APC: variants seen among roughly 807,000 people sequenced by gnomAD.
APC encodes adenomatous polyposis coli protein.
Under a neutral mutation model 247.0 loss-of-function variants are expected in APC, and 72 were observed. That is an observed-to-expected ratio of 0.29 (90% CI 0.24 to 0.35). APC has a LOEUF of 0.35. Among genes scored for constraint, APC ranks in the 10% least tolerant of loss-of-function variants. The pLI is 1.00. For synonymous variants in APC, 1,254 were observed against 1,162.5 expected (o/e 1.08, Z -1.60); for missense variants, 3,400 against 3,360.7 (o/e 1.01, Z -0.29).
rs2149863810 is a variant in APC, at chr5:112,837,821, A to G, written c.2227A>G (p.Met743Val). The G allele has an allele frequency of 6.2e-7, 1 of 1,614,022 alleles. No individual in the cohort carries two copies. Among genetic ancestry groups the G allele is most frequent in the African/African-American group, 1.3e-5 (1 of 75,052 alleles). ...TGCGAAGTACAAGGATGCCAATATTATGTCTCCTGGCTCAAGCTTGCCATC... is the reference window on the plus strand; with the variant it reads ...TGCGAAGTACAAGGATGCCAATATTGTGTCTCCTGGCTCAAGCTTGCCATC... ...RPAKYKDANI[M>V]SPGSSLPSLH... The change falls in exon 16 of 16, where the codon ATG (methionine) becomes GTG (valine). Residue 743 changes from methionine (M) to valine (V), a missense_variant. Transcript: ENST00000257430.
At chr5:112,762,520 C>T (rs115856596) in intron 2 of APC, among the ~76,000 whole-genome samples, 54 of 152,252 alleles carry the variant, frequency 3.5e-4, no homozygotes, top group African/African-American at 6.7e-4. Flanking sequence ...CATTTAAAAA[C>T]AATGAACTGA....
At chr5:112,796,478 T>G (rs1330402072) in intron 7 of APC, among the ~76,000 whole-genome samples, 2 of 152,212 alleles carry the variant, frequency 1.3e-5, no homozygotes, top group Non-Finnish European at 2.9e-5. Context: ...GTAGACAGTT[T>G]AAGTACAATG....
intron 10 of APC, among the ~76,000 whole-genome samples, chr5:112,820,483 A>G (rs1181974829): frequency 6.6e-6 from 1 of 152,140 alleles, no homozygotes; most frequent in African/African-American, 2.4e-5. Context: ...ACACTATCTC[A>G]TTTTTAAAAA....
chr5:112,761,850 A>G (rs949380545), intron 2 of APC, among the ~76,000 whole-genome samples: 4 of 152,196 alleles, frequency 2.6e-5, no homozygotes, highest in Non-Finnish European at 4.4e-5. Context: ...ATTTCTTAGG[A>G]CACACAAAAG....
chr5:112,806,817 A>C (rs910038687), intron 8 of APC, among the ~76,000 whole-genome samples: 1 of 152,088 alleles, frequency 6.6e-6, no homozygotes, highest in East Asian at 1.9e-4. Context: ...AGCTCAAGCA[A>C]TCCTCCAGCA....
At chr5:112,786,296 C>T (rs1444360508) in intron 6 of APC, among the ~76,000 whole-genome samples, 1 of 152,136 alleles carries the variant, frequency 6.6e-6, no homozygotes, top group East Asian at 1.9e-4. Context: ...TAAGGCAGTT[C>T]ATTAAAAAGA....
At chr5:112,714,409 G>T (rs1488606636) in intron 1 of APC, among the ~76,000 whole-genome samples, 1 of 152,208 alleles carries the variant, frequency 6.6e-6, no homozygotes, top group Non-Finnish European at 1.5e-5. Context: ...TTCTTACATT[G>T]CAAGTGACAG....
intron 1 of APC, among the ~76,000 whole-genome samples, chr5:112,720,034 C>G (rs1211808779): frequency 6.6e-6 from 1 of 152,064 alleles, no homozygotes; most frequent in East Asian, 1.9e-4. Flanking sequence ...ATATGGAAGC[C>G]AAACAGATAC....
chr5:112,734,442 A>G (rs1044661551), upstream of APC, among the ~76,000 whole-genome samples: 70 of 152,332 alleles, frequency 4.6e-4, no homozygotes, highest in African/African-American at 1.6e-3. Flanking sequence ...AAAGGTTTCT[A>G]AATCTGAGCT....
At chr5:112,707,766 G>T in exon 1 of APC, 1 of 1,370,646 alleles carries the variant, frequency 7.3e-7, no homozygotes, top group South Asian at 1.2e-5. Context: ...GCCCGCTTCT[G>T]TACCACCCTC....
intron 1 of APC, among the ~76,000 whole-genome samples, chr5:112,714,640 C>A (rs1256332838): frequency 6.6e-6 from 1 of 152,104 alleles, no homozygotes; most frequent in Non-Finnish European, 1.5e-5. Context: ...CCTCATTTCA[C>A]GTATAGTAAA....
rs113740417 is a variant in APC at position 112,790,314 on chromosome 5, T to G, written c.646-2132T>G. Among the ~76,000 whole-genome samples the G allele has an allele frequency of 6.6e-3, 1,007 of 151,606 alleles. 9 individuals are homozygous for G. Among genetic ancestry groups the G allele is most frequent in the African/African-American group, 0.019 (777 of 41,394 alleles). On this transcript the variant is annotated intron_variant, in intron 6 of 15. Transcript: ENST00000257430. ...CTTCTTGTTTTATTTGGGTTTTTTTTGGGGGGTGGGGGTTGTTTTTGTTTT... is the reference window on the plus strand; with the variant it reads ...CTTCTTGTTTTATTTGGGTTTTTTTGGGGGGGTGGGGGTTGTTTTTGTTTT...
rs1165603009 is a variant in APC, at chr5:112,840,941, A to G, written c.5347A>G (p.Thr1783Ala). 2 of 1,613,562 alleles carry G rather than the reference A, an allele frequency of 1.2e-6. No individual in the cohort carries two copies. Among genetic ancestry groups the G allele is most frequent in the Admixed American group, 3.3e-5 (2 of 59,958 alleles). Residue 1783 changes from threonine (T) to alanine (A), a missense_variant, in exon 16 of 16, where the codon ACT (threonine) becomes GCT (alanine). Physicochemically the swap from Thr to Ala is moderately conservative, Grantham distance 58. Around this residue, in one of 9 missense-constraint regions of APC, gnomAD observed 1,788 missense variants for 1,649.5 expected, o/e 1.08. Coordinates refer to ENST00000257430, the MANE Select transcript of APC (RefSeq NM_000038.6). This position sits in a 1 kb window ranked among gnomAD's most constrained non-coding sequence, Gnocchi z 4.1. The stretch of plus-strand genomic sequence containing the variant: ...ACCAGTAAAACCTATACCACAAAAT[A>G]CTGAATATAGGACACGTGTAAGAAA... ...TSPVKPIPQNTEYRTRVRKNA... is the reference protein window; with the variant it reads ...TSPVKPIPQNAEYRTRVRKNA...
At chr5:112,735,067 A>C (rs1752306014), upstream of APC, among the ~76,000 whole-genome samples, 1 of 152,192 alleles carries the variant, frequency 6.6e-6, no homozygotes. Context: ...CCATTTACTA[A>C]AAGCAATGAA....
At position 112,791,166 on chromosome 5, in the gene APC, C is replaced by CA. The variant is rs1343074634; in HGVS notation, c.646-1279dup. On this transcript the variant is annotated intron_variant, in intron 6 of 15. Transcript: ENST00000257430. ...AAGTCTAGCTTAAAAAACACACACA[C>CA]ACACACACAATATATTCCCCACATT... Among the ~76,000 whole-genome samples the CA allele has an allele frequency of 4.6e-5, 7 of 152,276 alleles. No homozygotes were observed. In the East Asian group the frequency reaches 1.4e-3, roughly 29 times the overall value.
In APC at chr5:112,783,665, C is replaced by G. The variant is rs77517306; in HGVS notation, c.645+2762C>G. 864 of 182,594 alleles carry G rather than the reference C, an allele frequency of 4.7e-3. 9 individuals are homozygous for G. The highest frequency in any genetic ancestry group is 5.9e-3 in the Non-Finnish European group (548 of 92,624). The allele number at this position is 182,594 out of a possible 1,614,324, so 11.3% of individuals were successfully genotyped here. ...AAAAAAAAAGCTGAGTATGATGGTG[C>G]ACATCTGTAGACCTAGTTACTTGGG... On this transcript the variant is annotated intron_variant, in intron 6 of 15. Coordinates refer to ENST00000257430, the MANE Select transcript of APC (RefSeq NM_000038.6).
Position 112,842,319 on chromosome 5 carries a change from G to C in APC, c.6725G>C (p.Ser2242Thr), listed in dbSNP as rs1337063753. Residue 2242 changes from serine (S) to threonine (T), a missense_variant, in exon 16 of 16, where the codon AGT (serine) becomes ACT (threonine). By Grantham distance (58) the Ser-to-Thr change is moderately conservative. Around this residue, in one of 9 missense-constraint regions of APC, gnomAD observed 1,788 missense variants for 1,649.5 expected, o/e 1.08. Coordinates refer to ENST00000257430, the MANE Select transcript of APC (RefSeq NM_000038.6). Reference protein sequence around the residue: ...HIPGVRNSSSSTSPVSKKGPP... With the variant: ...HIPGVRNSSSTTSPVSKKGPP... The stretch of plus-strand genomic sequence containing the variant: ...CCAGGAGTTCGAAATAGCTCCTCAA[G>C]TACAAGTCCTGTTTCTAAAAAAGGC... The C allele has an allele frequency of 6.2e-7, 1 of 1,613,652 alleles. No individual in the cohort carries two copies. Among genetic ancestry groups the C allele is most frequent in the East Asian group, 2.2e-5 (1 of 44,876 alleles).
chr5:112,746,588 TAAAAG>T (rs1339256351), intron 1 of APC, among the ~76,000 whole-genome samples: 1 of 152,030 alleles, frequency 6.6e-6, no homozygotes, highest in East Asian at 1.9e-4. Context: ...ATCAAGAAAT[TAAAAG>T]AGAAACGATA....
At chr5:112,813,951 C>G (rs1487207667) in intron 8 of APC, among the ~76,000 whole-genome samples, 1 of 152,096 alleles carries the variant, frequency 6.6e-6, no homozygotes, top group Non-Finnish European at 1.5e-5. Flanking sequence ...GCCTGTATAT[C>G]TGAAAGACAA....
Sources: allele counts gnomAD v4.1 joint callset (sites outside exome capture counted in the v4.1 genomes callset), GRCh38; gene constraint gnomAD v4.1.1; regional missense constraint gnomAD v4.1.1; non-coding constraint Gnocchi (gnomAD v3.1); transcripts MANE v1.5; gene names NCBI Gene and HGNC (gene_info 2026-07-23, HGNC 2026-07-21).